CRK: variants seen among roughly 807,000 people sequenced by gnomAD.
CRK encodes the protein CRK proto-oncogene, adaptor protein.
In CRK, 4 loss-of-function variants were observed where a neutral mutation model predicts 29.8. The ratio of observed to expected loss-of-function variants is 0.13; its 90% CI spans 0.07 to 0.31. The LOEUF (loss-of-function observed/expected upper bound fraction) is 0.31, where lower values mean the gene tolerates loss of function less well. Among genes scored for constraint, CRK ranks in the 10% least tolerant of loss-of-function variants. The pLI, the probability that CRK is intolerant of heterozygous loss-of-function variation, is 1.00. For synonymous variants in CRK, 153 were observed against 164.9 expected, an observed-to-expected ratio of 0.93 and a Z score of 0.55; for missense variants, 274 against 396.5, an observed-to-expected ratio of 0.69 and a Z score of 2.62.
At chr17:1,430,714 G>A (rs1010576243) in intron 2 of CRK, among the ~76,000 whole-genome samples, 57 of 151,824 alleles carry the variant, frequency 3.8e-4, no homozygotes, top group Non-Finnish European at 7.4e-5. Flanking sequence ...AATCAATTGG[G>A]CTAATTAACC....
intron 1 of CRK, among the ~76,000 whole-genome samples, chr17:1,441,082 C>A (rs766721629): frequency 2.0e-5 from 3 of 152,082 alleles, no homozygotes; most frequent in Non-Finnish European, 4.4e-5. Context: ...CCTACAGGCA[C>A]GCATCACCAC....
intron 2 of CRK, among the ~76,000 whole-genome samples, chr17:1,433,854 C>G (rs1158935780): frequency 7.1e-6 from 1 of 141,120 alleles, no homozygotes; most frequent in African/African-American, 2.7e-5. Flanking sequence ...TTTTAGATCA[C>G]CTGGCTAATT....
In CRK at chr17:1,423,320, C is replaced by A. The variant is rs1598290481; in HGVS notation, c.*193G>T. 1 of 688,408 alleles carries A rather than the reference C, an allele frequency of 1.5e-6. No individual in the cohort carries two copies. The highest frequency in any genetic ancestry group is 2.9e-5 in the East Asian group (1 of 34,748). The allele number at this position is 688,408 out of a possible 1,614,324, so 42.6% of individuals were successfully genotyped here. A position where few individuals can be genotyped will look rare whatever the true frequency, so the allele number is the denominator to read the frequency against. On this transcript the variant is annotated 3_prime_UTR_variant, in exon 3 of 3. Transcript: ENST00000300574. ...GCCAATTCAGAAGCTAACACACAAG[C>A]CCTCCAGTTCGTACCCTGAATATGG...
At chr17:1,452,887 T>C (rs537072879) in intron 1 of CRK, among the ~76,000 whole-genome samples, 11 of 151,372 alleles carry the variant, frequency 7.3e-5, no homozygotes, top group African/African-American at 2.4e-4. Flanking sequence ...TGAAGTCTAT[T>C]GAGATCAGGA....
intron 1 of CRK, among the ~76,000 whole-genome samples, chr17:1,449,213 C>A (rs1009607473): frequency 6.6e-6 from 1 of 152,088 alleles, no homozygotes; most frequent in Non-Finnish European, 1.5e-5. Context: ...CAGGAGGCAC[C>A]ATCTTATTTC....
intron 2 of CRK, among the ~76,000 whole-genome samples, chr17:1,434,979 C>T (rs2073876292): frequency 6.6e-6 from 1 of 152,164 alleles, no homozygotes. Context: ...GATTAAATCT[C>T]TGAGAAAGGA....
chr17:1,436,082 C>T (rs561603429), intron 2 of CRK, among the ~76,000 whole-genome samples: 50 of 152,134 alleles, frequency 3.3e-4, no homozygotes, highest in Admixed American at 9.8e-4. Flanking sequence ...TGCCACTCCT[C>T]GGAATGAGGA....
At chr17:1,426,650 C>T (rs748183225) in intron 2 of CRK, among the ~76,000 whole-genome samples, 2 of 151,928 alleles carry the variant, frequency 1.3e-5, no homozygotes, top group South Asian at 2.1e-4. Flanking sequence ...TGAATCACGA[C>T]GTCAGGAGTT....
At chr17:1,434,792 C>CA (rs376877954) in intron 2 of CRK, among the ~76,000 whole-genome samples, 6,811 of 124,708 alleles carry the variant, frequency 0.055, 626 homozygotes, top group African/African-American at 0.18. Flanking sequence ...CAAAAAGAAC[C>CA]AAAAAAAAAA....
chr17:1,442,377 C>T (rs2150908949), intron 1 of CRK, among the ~76,000 whole-genome samples: 1 of 152,100 alleles, frequency 6.6e-6, no homozygotes, highest in African/African-American at 2.4e-5. Context: ...GTCTCAAACT[C>T]CTGGGCTCAA....
chr17:1,440,470 A>C (rs2073926319), intron 1 of CRK, among the ~76,000 whole-genome samples: 1 of 151,752 alleles, frequency 6.6e-6, no homozygotes, highest in Non-Finnish European at 1.5e-5. Context: ...CTCTTAAAAA[A>C]AGAAAAAATA....
intron 1 of CRK, among the ~76,000 whole-genome samples, chr17:1,440,410 C>A (rs2150907656): frequency 6.6e-6 from 1 of 151,960 alleles, no homozygotes; most frequent in East Asian, 1.9e-4. Flanking sequence ...GTACACTGAG[C>A]CATGATCGTG....
chr17:1,455,199 A>C (rs375689725), intron 1 of CRK, among the ~76,000 whole-genome samples: 1 of 152,224 alleles, frequency 6.6e-6, no homozygotes, highest in Non-Finnish European at 1.5e-5. Flanking sequence ...TCTCTTGCAC[A>C]TAGCCAGGCA....
At chr17:1,451,857 T>G (rs1215892481) in intron 1 of CRK, among the ~76,000 whole-genome samples, 18 of 151,712 alleles carry the variant, frequency 1.2e-4, no homozygotes, top group Non-Finnish European at 1.8e-4. Context: ...CAGTGGCACA[T>G]GCCTGTAATC....
At chr17:1,455,197 A>G (rs1034709427) in intron 1 of CRK, among the ~76,000 whole-genome samples, 1 of 152,222 alleles carries the variant, frequency 6.6e-6, no homozygotes, top group African/African-American at 2.4e-5. Context: ...GATCTCTTGC[A>G]CATAGCCAGG....
At chr17:1,447,988 TTAGA>T (rs1488167817) in intron 1 of CRK, among the ~76,000 whole-genome samples, 5 of 152,172 alleles carry the variant, frequency 3.3e-5, no homozygotes, top group East Asian at 3.9e-4. Context: ...CAGGGGTTGC[TTAGA>T]TAAATACCCA....
At chr17:1,438,843 CT>C (rs2073910857) in intron 1 of CRK, among the ~76,000 whole-genome samples, 1 of 150,280 alleles carries the variant, frequency 6.7e-6, no homozygotes. Context: ...GTCAAAGTTT[CT>C]TTAAAAAAAA....
At chr17:1,432,648 G>A (rs9911805) in intron 2 of CRK, among the ~76,000 whole-genome samples, 3,181 of 151,420 alleles carry the variant, frequency 0.021, 100 homozygotes, top group African/African-American at 0.074. Context: ...GTGGTGGCGG[G>A]CGCCTGTAGT....
intron 1 of CRK, among the ~76,000 whole-genome samples, chr17:1,453,944 T>C (rs1189879732): frequency 6.6e-6 from 1 of 152,086 alleles, no homozygotes; most frequent in Non-Finnish European, 1.5e-5. Context: ...CCCACGCCTG[T>C]AATCCCAGCA....
Sources: gnomAD v4.1 joint callset for allele counts (sites outside exome capture counted in the v4.1 genomes callset) on GRCh38, gnomAD v4.1.1 for gene constraint, MANE v1.5 for transcripts, NCBI Gene and HGNC (gene_info 2026-07-23, HGNC 2026-07-21) for gene names.